ADAMTSL1: variants seen among roughly 807,000 people sequenced by gnomAD.
ADAMTSL1 encodes ADAMTS-like protein 1.
A neutral mutation model predicts 201.8 loss-of-function variants in ADAMTSL1; 126 were observed. The observed-to-expected ratio is 0.62, with a 90% CI of 0.54 to 0.72. The LOEUF (loss-of-function observed/expected upper bound fraction) is 0.72. Among genes scored for constraint, ADAMTSL1 ranks in the 30% least tolerant of loss-of-function variants. ADAMTSL1 has a pLI of 0.00. For missense variants in ADAMTSL1, 2,679 were observed against 2,277.8 expected, an observed-to-expected ratio of 1.18 and a Z score of -3.59; for synonymous variants, 1,121 against 903.4, an observed-to-expected ratio of 1.24 and a Z score of -4.32.
intron 1 of ADAMTSL1, among the ~76,000 whole-genome samples, chr9:18,123,671 T>C (rs929672853): frequency 6.6e-6 from 1 of 152,202 alleles, no homozygotes; most frequent in Non-Finnish European, 1.5e-5. Flanking sequence ...TGAATTTTAG[T>C]AAATTTACAG....
chr9:18,626,703 T>C (rs972207319), intron 5 of ADAMTSL1, among the ~76,000 whole-genome samples: 2 of 152,134 alleles, frequency 1.3e-5, no homozygotes, highest in Non-Finnish European at 2.9e-5. Flanking sequence ...TGGAAAGATA[T>C]TACACTAAGC....
At chr9:18,453,810 A>G (rs886122840) in intron 2 of ADAMTSL1, among the ~76,000 whole-genome samples, 21 of 152,180 alleles carry the variant, frequency 1.4e-4, no homozygotes, top group African/African-American at 5.1e-4. Flanking sequence ...TCATTCCATG[A>G]ACTATCAGTG....
At chr9:18,234,606 A>C (rs1830767894) in intron 2 of ADAMTSL1, among the ~76,000 whole-genome samples, 1 of 152,228 alleles carries the variant, frequency 6.6e-6, no homozygotes, top group South Asian at 2.1e-4. Flanking sequence ...CTTCAAAATT[A>C]ATTCTTGGTT....
At chr9:18,763,118 C>T (rs1400387932) in intron 16 of ADAMTSL1, among the ~76,000 whole-genome samples, 1 of 152,160 alleles carries the variant, frequency 6.6e-6, no homozygotes, top group Non-Finnish European at 1.5e-5. Context: ...ATTTACATTC[C>T]CACCCACAGT....
intron 3 of ADAMTSL1, among the ~76,000 whole-genome samples, chr9:18,561,319 A>C (rs910412346): frequency 3.3e-5 from 5 of 152,156 alleles, no homozygotes; most frequent in African/African-American, 1.2e-4. Flanking sequence ...CAGGCTGTTC[A>C]GTTTCCATGT....
rs566765735 is a variant in ADAMTSL1, at chr9:18,720,738, G to A, written c.1877-798G>A. On this transcript the variant is annotated intron_variant, in intron 14 of 28. Transcript: ENST00000380548. ...GCAGAGGTTGCAGTGAGCTGAGATC[G>A]TGCCACTACACTCCAGCCTGGGCAA... is the stretch of plus-strand genomic sequence containing the variant. 5.3e-5 allele frequency among the ~76,000 whole-genome samples: 8 copies of A among 152,104 alleles called. No individual in the cohort carries two copies. The South Asian group carries it at 6.2e-4, about 12-fold the overall frequency.
intron 20 of ADAMTSL1, among the ~76,000 whole-genome samples, chr9:18,815,277 T>A (rs1823763923): frequency 6.6e-6 from 1 of 152,038 alleles, no homozygotes; most frequent in African/African-American, 2.4e-5. Context: ...TGCAGCACTA[T>A]TCACAATATC....
At chr9:18,286,889 G>C (rs1028038153) in intron 2 of ADAMTSL1, among the ~76,000 whole-genome samples, 18 of 152,238 alleles carry the variant, frequency 1.2e-4, no homozygotes, top group African/African-American at 4.1e-4. Context: ...ATAACAAAGA[G>C]AATATTCCTT....
intron 1 of ADAMTSL1, among the ~76,000 whole-genome samples, chr9:18,492,934 T>C (rs553520787): frequency 6.6e-6 from 1 of 152,278 alleles, no homozygotes; most frequent in Non-Finnish European, 1.5e-5. Context: ...ATCAATATTA[T>C]GTATGTACAC....
rs10673652 is a variant in ADAMTSL1 at position 18,503,421 on chromosome 9, G to GTATATATATATATATATATATA, written c.64-1388_64-1387insTATATATATATATATATATATA. Among the ~76,000 whole-genome samples the GTATATATATATATATATATATA allele has an allele frequency of 1.4e-3, 158 of 115,192 alleles. 3 individuals are homozygous for GTATATATATATATATATATATA. The highest frequency in any genetic ancestry group is 7.1e-3 in the South Asian group (23 of 3,218). The allele number at this position is 115,192 out of a possible 152,430, so 75.6% of individuals were successfully genotyped here. ...TTAAGGCTGAATAGTATTCCATTGT[G>GTATATATATATATATATATATA]TATATATATATATATATATACCACA... On this transcript the variant is annotated intron_variant, in intron 1 of 28. Transcript: ENST00000380548.
chr9:18,397,485 A>G (rs1350226356), intron 2 of ADAMTSL1, among the ~76,000 whole-genome samples: 4 of 152,152 alleles, frequency 2.6e-5, no homozygotes, highest in Non-Finnish European at 5.9e-5. Flanking sequence ...CTACATCATT[A>G]TTATGTGAGT....
At chr9:18,598,255 C>T (rs898642950) in intron 4 of ADAMTSL1, among the ~76,000 whole-genome samples, 24 of 152,016 alleles carry the variant, frequency 1.6e-4, no homozygotes, top group Admixed American at 2.0e-4. Context: ...TTATATGAAA[C>T]ATAAAATATG....
intron 7 of ADAMTSL1, among the ~76,000 whole-genome samples, chr9:18,639,946 C>T (rs1827341022): frequency 6.6e-6 from 1 of 152,116 alleles, no homozygotes. Context: ...GAAAAGTGCA[C>T]ACACTAGAAG....
intron 2 of ADAMTSL1, among the ~76,000 whole-genome samples, chr9:18,312,436 G>A (rs1316154800): frequency 1.3e-5 from 2 of 152,190 alleles, no homozygotes; most frequent in Non-Finnish European, 2.9e-5. Flanking sequence ...TAAAATGAGA[G>A]CAGGAGTTAC....
chr9:18,760,644 T>C (rs907586968), intron 16 of ADAMTSL1, among the ~76,000 whole-genome samples: 1 of 152,204 alleles, frequency 6.6e-6, no homozygotes, highest in African/African-American at 2.4e-5. Flanking sequence ...TATTGATACC[T>C]CATGGTTTTA....
At chr9:18,660,610 A>T (rs1829024879) in intron 8 of ADAMTSL1, among the ~76,000 whole-genome samples, 1 of 152,246 alleles carries the variant, frequency 6.6e-6, no homozygotes, top group Admixed American at 6.5e-5. Flanking sequence ...CTGGAAAATT[A>T]TAAAATAATT....
At chr9:18,545,135 A>C (rs1587518587) in intron 3 of ADAMTSL1, among the ~76,000 whole-genome samples, 1 of 152,308 alleles carries the variant, frequency 6.6e-6, no homozygotes, top group East Asian at 1.9e-4. Flanking sequence ...GAGAAGAATT[A>C]GTATATTTGG....
rs149906807 is a variant in ADAMTSL1, at chr9:18,847,456, G to A, written c.4249+17479G>A. Among the ~76,000 whole-genome samples, 242 of 152,306 alleles carry A rather than the reference G, an allele frequency of 1.6e-3. 2 individuals carry two copies. Among genetic ancestry groups the A allele is most frequent in the Middle Eastern group, 3.4e-3 (1 of 294 alleles). On this transcript the variant is annotated intron_variant, in intron 23 of 28. Coordinates refer to ENST00000380548, the MANE Select transcript of ADAMTSL1 (RefSeq NM_001040272.6). ...ATAGTAGGAGAAATAGAAAATAAAC[G>A]TATACAGAAGCAAATGGCATCATAT...
chr9:18,666,630 C>T (rs1381308482), intron 9 of ADAMTSL1, among the ~76,000 whole-genome samples: 1 of 152,126 alleles, frequency 6.6e-6, no homozygotes, highest in Non-Finnish European at 1.5e-5. Flanking sequence ...AGCAAAGCTT[C>T]TGTCTTACGC....
Sources: allele counts gnomAD v4.1 joint callset (sites outside exome capture counted in the v4.1 genomes callset), GRCh38; gene constraint gnomAD v4.1.1; transcripts MANE v1.5; gene names NCBI Gene and HGNC (gene_info 2026-07-23, HGNC 2026-07-21).